DMXL1: variants seen among roughly 807,000 people sequenced by gnomAD.
DMXL1 encodes dmX-like protein 1.
A neutral mutation model predicts 319.2 loss-of-function variants in DMXL1; 99 were observed. That is an observed-to-expected ratio of 0.31 (90% CI 0.26 to 0.37). The LOEUF is 0.37. Among genes scored for constraint, DMXL1 ranks in the 10% least tolerant of loss-of-function variants. DMXL1 has a pLI of 1.00. For missense variants in DMXL1, 3,745 were observed against 3,595.6 expected, an observed-to-expected ratio of 1.04 and a Z score of -1.06; for synonymous variants, 1,385 against 1,235.2, an observed-to-expected ratio of 1.12 and a Z score of -2.54.
chr5:119,218,694 C>T (rs923268826), intron 35 of DMXL1, among the ~76,000 whole-genome samples: 11 of 152,082 alleles, frequency 7.2e-5, no homozygotes, highest in Non-Finnish European at 1.3e-4. Context: ...CTCTTTACCT[C>T]GTGATCCGCC....
intron 4 of DMXL1, among the ~76,000 whole-genome samples, chr5:119,105,651 T>G (rs1301595427): frequency 6.6e-6 from 1 of 152,066 alleles, no homozygotes; most frequent in African/African-American, 2.4e-5. Context: ...TTCCCAGCAC[T>G]TTGGGAGGCT....
In DMXL1 at chr5:119,146,850, T is replaced by C. The variant is rs1184644191; in HGVS notation, c.2583T>C (p.Asn861=). ...TAATACCAACAGGCAGCTCACCTAA[T>C]GGATTTTCTGAGAAGTTCTACCTAA... ...SILSNAGSSP[N]GFSEKFYLIV... The change falls in exon 16 of 44, where the codon AAT becomes AAC. Residue 861 remains asparagine, a synonymous_variant. Coordinates refer to ENST00000539542, the MANE Select transcript of DMXL1 (RefSeq NM_001290321.3). 1.2e-6 allele frequency: 2 copies of C among 1,611,192 alleles called. No individual in the cohort carries two copies. Among genetic ancestry groups the C allele is most frequent in the African/African-American group, 2.7e-5 (2 of 74,750 alleles).
intron 1 of DMXL1, among the ~76,000 whole-genome samples, chr5:119,082,202 C>G (rs1463834351): frequency 6.6e-6 from 1 of 152,016 alleles, no homozygotes; most frequent in African/African-American, 2.4e-5. Context: ...GCCTCAAACT[C>G]TTGAGTTTAA....
Position 119,237,369 on chromosome 5 carries a change from C to T in DMXL1, c.8514C>T (p.Asn2838=). The T allele has an allele frequency of 6.2e-7, 1 of 1,603,888 alleles. No homozygotes were observed. Among genetic ancestry groups the T allele is most frequent in the Non-Finnish European group, 8.5e-7 (1 of 1,173,490 alleles). Residue 2838 remains asparagine (N), a synonymous_variant, in exon 40 of 44, where the codon AAC becomes AAT. Coordinates refer to ENST00000539542, the MANE Select transcript of DMXL1 (RefSeq NM_001290321.3). ...GATATTTAAGTTTGTATCAAACAAA[C>T]TGGAAATGTTGTCCAGTTACTGGAA... ...ADGYLSLYQT[N]WKCCPVTGSM... is the part of the protein sequence containing the mutation.
chr5:119,144,425 ACTT>A, intron 14 of DMXL1, 108 bp from the exon 15 acceptor site: 1 of 785,422 alleles, frequency 1.3e-6, no homozygotes, highest in South Asian at 1.7e-5. Context: ...TGAACTTTTG[ACTT>A]CTTATTCTGC....
At chr5:119,087,843 C>G (rs2149722184) in intron 1 of DMXL1, among the ~76,000 whole-genome samples, 1 of 152,032 alleles carries the variant, frequency 6.6e-6, no homozygotes, top group Admixed American at 6.6e-5. Flanking sequence ...GTTCTGTTGC[C>G]CAGGCTGGAG....
At chr5:119,091,813 G>A (rs892392188) in intron 1 of DMXL1, among the ~76,000 whole-genome samples, 1 of 152,184 alleles carries the variant, frequency 6.6e-6, no homozygotes, top group Non-Finnish European at 1.5e-5. Context: ...CTACAGGGTG[G>A]TGTTACTACT....
At chr5:119,216,094 CAAAA>C (rs773591355) in intron 34 of DMXL1, among the ~76,000 whole-genome samples, 14 of 37,360 alleles carry the variant, frequency 3.7e-4, no homozygotes, top group Admixed American at 3.6e-3. Flanking sequence ...GCATCCATCT[CAAAA>C]AAAAAAAAAA....
chr5:119,075,531 G>T (rs1041412308), intron 1 of DMXL1, among the ~76,000 whole-genome samples: 1 of 151,934 alleles, frequency 6.6e-6, no homozygotes, highest in Admixed American at 6.6e-5. Context: ...GAGCCACCGC[G>T]CCCTGCCTGT....
intron 1 of DMXL1, among the ~76,000 whole-genome samples, chr5:119,083,109 CA>C (rs1363554722): frequency 1.6e-4 from 24 of 152,238 alleles, no homozygotes; most frequent in Admixed American, 4.6e-4. Flanking sequence ...TTCCCAGGTT[CA>C]GGCGATTGTT....
At position 119,149,801 on chromosome 5, in the gene DMXL1, A is replaced by G. The variant is rs1769370492; in HGVS notation, c.3974A>G (p.Tyr1325Cys). ...AHVLSPTLPQ[Y>C]HPLQLLELMD... ...GTACTTTCCCCGACTCTACCTCAGT[A>G]TCATCCCTTGCAGCTTTTGGAACTC... The change falls in exon 18 of 44, where the codon TAT (tyrosine) becomes TGT (cysteine). Residue 1325 changes from tyrosine to cysteine, a missense_variant. Coordinates refer to ENST00000539542, the MANE Select transcript of DMXL1 (RefSeq NM_001290321.3). The G allele has an allele frequency of 6.2e-7, 1 of 1,613,978 alleles. No individual in the cohort carries two copies. The highest frequency in any genetic ancestry group is 2.2e-5 in the East Asian group (1 of 44,874).
chr5:119,188,219 TG>T (rs1778091847), intron 28 of DMXL1, among the ~76,000 whole-genome samples: 1 of 152,202 alleles, frequency 6.6e-6, no homozygotes, highest in African/African-American at 2.4e-5. Context: ...ACATTGTACG[TG>T]TTTTTTTTTC....
chr5:119,107,293 A>G (rs1758570733), intron 4 of DMXL1, among the ~76,000 whole-genome samples: 1 of 151,960 alleles, frequency 6.6e-6, no homozygotes, highest in Admixed American at 6.6e-5. Context: ...GTGAGCCATG[A>G]TTGTGCTACT....
chr5:119,133,885 C>T lies in DMXL1; in HGVS notation c.1961C>T (p.Thr654Ile). Reference protein sequence around the residue: ...ACHSVLPLLLTTSHHNALRTP... With the variant: ...ACHSVLPLLLITSHHNALRTP... The stretch of plus-strand genomic sequence containing the variant: ...CACTCAGTATTACCATTATTGCTGA[C>T]AACATCACACCATAATGCATTAAGG... The change falls in exon 12 of 44, where the codon ACA (threonine) becomes ATA (isoleucine). Residue 654 changes from threonine to isoleucine, a missense_variant. Physicochemically the swap from Thr to Ile is moderately conservative, Grantham distance 89. Around this residue, in one of 4 missense-constraint regions of DMXL1, gnomAD observed 2,096 missense variants for 1,985.4 expected, o/e 1.06. Coordinates refer to ENST00000539542, the MANE Select transcript of DMXL1 (RefSeq NM_001290321.3). 6.2e-7 allele frequency: 1 copy of T among 1,614,132 alleles called. No individual in the cohort carries two copies. The highest frequency in any genetic ancestry group is 8.5e-7 in the Non-Finnish European group (1 of 1,180,030).
intron 32 of DMXL1, among the ~76,000 whole-genome samples, chr5:119,199,886 G>A (rs937730872): frequency 1.3e-5 from 2 of 152,130 alleles, no homozygotes; most frequent in African/African-American, 4.8e-5. Context: ...TGTGCAAAGT[G>A]TCTGTTCATG....
chr5:119,235,025 A>G (rs569945762), intron 39 of DMXL1, among the ~76,000 whole-genome samples: 1 of 152,280 alleles, frequency 6.6e-6, no homozygotes, highest in African/African-American at 2.4e-5. Flanking sequence ...TCAACTTACT[A>G]TTCATTCACC....
chr5:119,207,490 G>A (rs998771430), intron 34 of DMXL1, among the ~76,000 whole-genome samples: 11 of 152,010 alleles, frequency 7.2e-5, no homozygotes, highest in African/African-American at 1.9e-4. Context: ...ACTCCTAGGC[G>A]TCCTGTGATT....
chr5:119,212,769 A>G (rs2150527307), intron 34 of DMXL1, among the ~76,000 whole-genome samples: 1 of 152,176 alleles, frequency 6.6e-6, no homozygotes, highest in East Asian at 1.9e-4. Flanking sequence ...TTTTAACTAT[A>G]ATGTTATGTT....
In DMXL1 at chr5:119,097,850, A is replaced by G. The variant is rs922982446; in HGVS notation, c.88-129A>G. 5.9e-6 allele frequency: 5 copies of G among 846,922 alleles called. No homozygotes were observed. In the Admixed American group the frequency reaches 1.7e-4, roughly 28 times the overall value. 52.5% of individuals were successfully genotyped at this position (846,922 alleles called of 1,614,324 possible). On this transcript the variant is annotated intron_variant, in intron 1 of 43. Transcript: ENST00000539542. ...GCCAAATGTAGATTTTTTTTTTAAG[A>G]AAACACCTAAAATTGGTCTTTTAAA...
Sources: gnomAD v4.1 joint callset for allele counts (sites outside exome capture counted in the v4.1 genomes callset) on GRCh38, gnomAD v4.1.1 for gene constraint, gnomAD v4.1.1 regional missense constraint, MANE v1.5 for transcripts, NCBI Gene and HGNC (gene_info 2026-07-23, HGNC 2026-07-21) for gene names.